Variants in TDRD12 observed in about 807,000 individuals in gnomAD.
The protein encoded by TDRD12 is tudor domain containing 12.
Under a neutral mutation model 133.5 loss-of-function variants are expected in TDRD12, and 158 were observed. That is an observed-to-expected ratio of 1.18 (90% CI 1.04 to 1.35). The LOEUF is 1.35. TDRD12 is among the 40% of genes most tolerant of loss of function. The pLI, the probability that TDRD12 is intolerant of heterozygous loss-of-function variation, is 0.00. For synonymous variants in TDRD12, 460 were observed against 477.9 expected, an observed-to-expected ratio of 0.96 and a Z score of 0.49; for missense variants, 1,443 against 1,321.3, an observed-to-expected ratio of 1.09 and a Z score of -1.43.
intron 1 of TDRD12, among the ~76,000 whole-genome samples, chr19:32,727,525 C>G (rs937216083): frequency 2.0e-5 from 3 of 152,116 alleles, no homozygotes; most frequent in Non-Finnish European, 2.9e-5. Context: ...GGTGTCATAT[C>G]CAAGAAATTT....
At position 32,792,341 on chromosome 19, in the gene TDRD12, AT is replaced by A. The variant is rs1349883556; in HGVS notation, c.1287+1274del. ...ATAAATATCCCCAGAGAGAATAAATATCCCCGGAGAGAAGACATTGCATCTC... is the reference window on the plus strand; with the variant it reads ...ATAAATATCCCCAGAGAGAATAAATACCCCGGAGAGAAGACATTGCATCTC... On this transcript the variant is annotated intron_variant, in intron 13 of 27. Coordinates refer to ENST00000444215, the Ensembl canonical transcript of TDRD12. Among the ~76,000 whole-genome samples, 20 of 152,300 alleles carry A rather than the reference AT, an allele frequency of 1.3e-4. No homozygotes were observed. The East Asian group carries it at 3.9e-3, about 29-fold the overall frequency.
chr19:32,789,593 A>C (rs1010149906), intron 11 of TDRD12, among the ~76,000 whole-genome samples: 1 of 152,226 alleles, frequency 6.6e-6, no homozygotes, highest in Admixed American at 6.5e-5. Flanking sequence ...ATCATAAACT[A>C]GCACAGCATG....
rs141387237 is a variant in TDRD12, at chr19:32,761,955, C to T, written c.865+4825C>T. Among the ~76,000 whole-genome samples, 477 of 152,240 alleles carry T rather than the reference C, an allele frequency of 3.1e-3. 2 individuals are homozygous for T. Among genetic ancestry groups the T allele is most frequent in the African/African-American group, 9.7e-3 (402 of 41,538 alleles). ...CCCACCTCAAATGATCCGACTGCCT[C>T]GGCCTCCCAAAGTGCGGGGATTACA... On this transcript the variant is annotated intron_variant, in intron 8 of 27. Transcript: ENST00000444215.
intron 11 of TDRD12, among the ~76,000 whole-genome samples, chr19:32,778,802 C>A (rs1970681651): frequency 6.6e-6 from 1 of 152,158 alleles, no homozygotes; most frequent in Non-Finnish European, 1.5e-5. Context: ...GCCCGGATGA[C>A]CCTGGAACAT....
chr19:32,815,777 C>T (rs1222234739), intron 26 of TDRD12, among the ~76,000 whole-genome samples, 157 bp downstream of exon 26: 2 of 152,146 alleles, frequency 1.3e-5, no homozygotes, highest in African/African-American at 2.4e-5. Flanking sequence ...GGGCGGCTCA[C>T]GAGGTCAGGA....
At chr19:32,739,405 T>C (rs1474392350) in intron 3 of TDRD12, among the ~76,000 whole-genome samples, 4 of 137,776 alleles carry the variant, frequency 2.9e-5, no homozygotes. Flanking sequence ...CTGCATCTCC[T>C]GGGGTTCTCT....
At chr19:32,795,335 G>GAAAAAAAAAAA (rs35855895) in intron 14 of TDRD12, among the ~76,000 whole-genome samples, 1 of 114,272 alleles carries the variant, frequency 8.8e-6, no homozygotes, top group Non-Finnish European at 1.8e-5. Context: ...CTCCATCTCA[G>GAAAAAAAAAAA]AAAAAAAAAA....
chr19:32,765,025 C>T (rs902976111), intron 8 of TDRD12, among the ~76,000 whole-genome samples: 23 of 152,162 alleles, frequency 1.5e-4, no homozygotes, highest in African/African-American at 3.1e-4. Flanking sequence ...CTACAATGAA[C>T]TCAAACAAAT....
chr19:32,748,285 TGAGAC>T (rs1172268637), intron 4 of TDRD12, among the ~76,000 whole-genome samples, 186 bp from the exon 5 acceptor site: 3 of 152,126 alleles, frequency 2.0e-5, no homozygotes, highest in African/African-American at 7.2e-5. Context: ...GTGACAGTGT[TGAGAC>T]GAGCGTGTTG....
At chr19:32,727,762 A>T (rs1482430489) in intron 1 of TDRD12, among the ~76,000 whole-genome samples, 3 of 152,096 alleles carry the variant, frequency 2.0e-5, no homozygotes, top group African/African-American at 7.2e-5. Context: ...TCCACCTCCC[A>T]GGTTCAAGTG....
chr19:32,746,845 A>AGG, intron 4 of TDRD12, among the ~76,000 whole-genome samples: 1 of 136,798 alleles, frequency 7.3e-6, no homozygotes, highest in African/African-American at 2.8e-5. Flanking sequence ...TGTGTGAGAG[A>AGG]AGGAGAGAGA....
chr19:32,749,250 C>G (rs867997586), intron 5 of TDRD12, among the ~76,000 whole-genome samples: 1 of 152,084 alleles, frequency 6.6e-6, no homozygotes, highest in South Asian at 2.1e-4. Flanking sequence ...GATGAGAATG[C>G]GGGTCTGGAG....
exon 15 of TDRD12, chr19:32,797,749 C>T (rs1230146091): frequency 2.9e-6 from 2 of 692,534 alleles, no homozygotes; most frequent in Admixed American, 2.1e-5. Flanking sequence ...TCGCAGTCAT[C>T]GTGTGCCCTG....
chr19:32,790,528 CA>C lies in TDRD12; in HGVS notation c.1122-2del. 1 of 1,551,460 alleles carries C rather than the reference CA, an allele frequency of 6.4e-7. No homozygotes were observed. Among genetic ancestry groups the C allele is most frequent in the Non-Finnish European group, 8.7e-7 (1 of 1,146,772 alleles). ...TCACATTCTTCTTTTAACTATCTTA[CA>C]GATTACTGCAGTTTTTAAATCCTGA... On this transcript the variant is annotated splice_acceptor_variant, in intron 11 of 27. Transcript: ENST00000444215. LOFTEE classifies it high-confidence loss of function.
intron 1 of TDRD12, among the ~76,000 whole-genome samples, chr19:32,730,888 G>A (rs1390473208): frequency 2.6e-5 from 4 of 152,090 alleles, no homozygotes; most frequent in Non-Finnish European, 5.9e-5. Context: ...TGTGGCGCAC[G>A]CTTGTAATCC....
At chr19:32,822,176 T>A (rs1281581089), downstream of TDRD12, among the ~76,000 whole-genome samples, 1 of 152,142 alleles carries the variant, frequency 6.6e-6, no homozygotes, top group Non-Finnish European at 1.5e-5. Flanking sequence ...ATGCCTATGA[T>A]CCCAACACTT....
chr19:32,736,803 T>C (rs546383588), intron 2 of TDRD12, among the ~76,000 whole-genome samples: 1 of 152,372 alleles, frequency 6.6e-6, no homozygotes, highest in African/African-American at 2.4e-5. Flanking sequence ...GGCTGTGGCC[T>C]GGCAGTCCTG....
At chr19:32,798,121 A>G (rs1971283525) in intron 15 of TDRD12, among the ~76,000 whole-genome samples, 187 bp from the exon 16 acceptor site, 1 of 152,154 alleles carries the variant, frequency 6.6e-6, no homozygotes, top group Non-Finnish European at 1.5e-5. Context: ...CACTTCATTC[A>G]TTTATCATCT....
chr19:32,747,705 A>G (rs960197666), intron 4 of TDRD12, among the ~76,000 whole-genome samples: 7 of 152,120 alleles, frequency 4.6e-5, no homozygotes, highest in Admixed American at 2.6e-4. Flanking sequence ...AGAGTGAGGA[A>G]CAGTAGTTTT....
Sources: allele counts gnomAD v4.1 joint callset (sites outside exome capture counted in the v4.1 genomes callset), GRCh38; gene constraint gnomAD v4.1.1; transcripts MANE v1.5; gene names NCBI Gene and HGNC (gene_info 2026-07-23, HGNC 2026-07-21).